The following DCAF12 variants were observed in gnomAD, a reference collection of about 807,000 sequenced individuals.
DCAF12 encodes the protein DDB1 and CUL4 associated factor 12.
DCAF12 carries 28 observed loss-of-function variants against 52.8 expected under a neutral mutation model. That is an observed-to-expected ratio of 0.53 (90% CI 0.39 to 0.73). The LOEUF is 0.73. Among genes scored for constraint, DCAF12 ranks in the 30% least tolerant of loss-of-function variants. DCAF12 has a pLI of 0.00. For synonymous variants in DCAF12, 196 were observed against 215.5 expected (o/e 0.91, Z 0.79); for missense variants, 425 against 552.2 (o/e 0.77, Z 2.31).
chr9:34,094,226 G>A (rs957744278), intron 6 of DCAF12, among the ~76,000 whole-genome samples: 7 of 152,012 alleles, frequency 4.6e-5, no homozygotes, highest in African/African-American at 1.7e-4. Flanking sequence ...CCAACCTGGT[G>A]AGATGCCATC....
chr9:34,100,442 C>T (rs1489512046), intron 4 of DCAF12, among the ~76,000 whole-genome samples: 1 of 151,660 alleles, frequency 6.6e-6, no homozygotes, highest in Non-Finnish European at 1.5e-5. Context: ...TCGTGATCCA[C>T]CTGCCTCGGC....
At chr9:34,091,489 A>T (rs1229637427) in intron 7 of DCAF12, among the ~76,000 whole-genome samples, 1 of 151,816 alleles carries the variant, frequency 6.6e-6, no homozygotes, top group Non-Finnish European at 1.5e-5. Context: ...TACAAAAATT[A>T]GCTGAATGAG....
chr9:34,117,352 G>A (rs1431235827), intron 2 of DCAF12, among the ~76,000 whole-genome samples: 4 of 150,060 alleles, frequency 2.7e-5, no homozygotes, highest in South Asian at 2.1e-4. Context: ...GGGTTTCACC[G>A]TGTTAGCCAG....
At chr9:34,107,011 T>C (rs190851877) in intron 3 of DCAF12, among the ~76,000 whole-genome samples, 2 of 152,316 alleles carry the variant, frequency 1.3e-5, no homozygotes, top group Non-Finnish European at 2.9e-5. Context: ...TCCACTAGAA[T>C]GTAGGCTTCA....
At chr9:34,125,800 T>C (rs975700856) in intron 1 of DCAF12, 2 of 284,188 alleles carry the variant, frequency 7.0e-6, no homozygotes, top group African/African-American at 4.4e-5. Flanking sequence ...GCCAACGGGG[T>C]AGTAGGCCCC....
At chr9:34,098,192 G>T in intron 5 of DCAF12, 132 bp downstream of exon 5, 1 of 923,952 alleles carries the variant, frequency 1.1e-6, no homozygotes, top group Non-Finnish European at 1.6e-6. Context: ...GCATCACTCA[G>T]CCTTTAAGAG....
intron 2 of DCAF12, chr9:34,109,763 AC>A: frequency 3.2e-6 from 1 of 312,288 alleles, no homozygotes; most frequent in Non-Finnish European, 6.6e-6. Context: ...GCAGGTGGTG[AC>A]CCCACTCACA....
chr9:34,101,343 G>C (rs1162492220), intron 4 of DCAF12, among the ~76,000 whole-genome samples: 1 of 151,912 alleles, frequency 6.6e-6, no homozygotes, highest in Non-Finnish European at 1.5e-5. Context: ...GAAATACTGG[G>C]ACTACAAGTG....
intron 2 of DCAF12, among the ~76,000 whole-genome samples, chr9:34,110,863 T>G (rs978951363): frequency 5.9e-5 from 9 of 152,138 alleles, no homozygotes; most frequent in Non-Finnish European, 1.3e-4. Context: ...GCCATGGACT[T>G]CAAACTCTAG....
Position 34,121,156 on chromosome 9 carries a change from AAAAC to A in DCAF12, c.333+3863_333+3866del, listed in dbSNP as rs964427180. On this transcript the variant is annotated intron_variant, in intron 2 of 8. Transcript: ENST00000361264. ...GCAACAGAGCGAGACTCCATCTCAA[AAAAC>A]AAACAAACAAACAAAAAAACCCAAG... Among the ~76,000 whole-genome samples the A allele has an allele frequency of 1.1e-4, 17 of 152,298 alleles. No homozygotes were observed. In the East Asian group the frequency reaches 1.7e-3, roughly 16 times the overall value.
chr9:34,102,998 G>A lies in DCAF12; in HGVS notation c.601+3436C>T, dbSNP rs1026417354. On this transcript the variant is annotated intron_variant, in intron 4 of 8. Transcript: ENST00000361264. ...GGACAGGGGTGGGGTGCTGAGACAG[G>A]AGGATTGTTTGAGACTGGGAGGTCA... Among the ~76,000 whole-genome samples the A allele has an allele frequency of 2.0e-5, 3 of 148,872 alleles. No individual in the cohort carries two copies. In the Admixed American group the frequency reaches 2.0e-4, roughly 10 times the overall value.
chr9:34,093,276 G>T lies in DCAF12; in HGVS notation c.1024+10C>A. ...AGCTGTAGGCCTGAGGTGCACACAG[G>T]GACTCTTACCACTGCCTCGCTCCCT... On this transcript the variant is annotated intron_variant, in intron 7 of 8. Coordinates refer to ENST00000361264, the MANE Select transcript of DCAF12 (RefSeq NM_015397.4). 6.2e-7 allele frequency: 1 copy of T among 1,613,944 alleles called. No homozygotes were observed.
intron 4 of DCAF12, among the ~76,000 whole-genome samples, chr9:34,104,920 A>G (rs886229060): frequency 2.7e-5 from 4 of 148,090 alleles, no homozygotes; most frequent in African/African-American, 7.4e-5. Flanking sequence ...TCCGTCTCCA[A>G]AAAAAAAAAA....
intron 2 of DCAF12, chr9:34,109,884 G>A (rs771947912): frequency 9.6e-5 from 24 of 249,258 alleles, no homozygotes; most frequent in Admixed American, 1.9e-4. Flanking sequence ...TCTCGTCTGT[G>A]TTTTCTGTGA....
rs540916426 is a variant in DCAF12 at position 34,120,172 on chromosome 9, C to T, written c.333+4851G>A. On this transcript the variant is annotated intron_variant, in intron 2 of 8. Coordinates refer to ENST00000361264, the MANE Select transcript of DCAF12 (RefSeq NM_015397.4). ...GAGCTGAAACTGAGCCACTGCACTT[C>T]AGCCTGGGCAACAAGAATGAAAGTC... 6.6e-5 allele frequency among the ~76,000 whole-genome samples: 8 copies of T among 120,676 alleles called. No homozygotes were observed. The South Asian group carries it at 1.4e-3, about 21-fold the overall frequency. The allele number at this position is 120,676 out of a possible 152,430, so 79.2% of individuals were successfully genotyped here.
chr9:34,098,507 A>G lies in DCAF12; in HGVS notation c.612T>C (p.Asp204=). Reference sequence around the variant, plus strand: ...TCACCTCCCAGAGTCCCATAGAACCATCACGTGAGCCTGCAGGGCCAGGAG... The same window carrying G: ...TCACCTCCCAGAGTCCCATAGAACCGTCACGTGAGCCTGCAGGGCCAGGAG... The part of the protein sequence containing the change: ...SDTMAVSGSR[D]GSMGLWEVTD... Residue 204 remains aspartate, a synonymous_variant, in exon 5 of 9, where the codon GAT becomes GAC. Coordinates refer to ENST00000361264, the MANE Select transcript of DCAF12 (RefSeq NM_015397.4). 1 of 1,613,228 alleles carries G rather than the reference A, an allele frequency of 6.2e-7. No individual in the cohort carries two copies. The highest frequency in any genetic ancestry group is 8.5e-7 in the Non-Finnish European group (1 of 1,179,590).
In DCAF12 at chr9:34,094,819, C is replaced by T. The variant is rs990951900; in HGVS notation, c.862-1371G>A. Among the ~76,000 whole-genome samples, 12 of 152,026 alleles carry T rather than the reference C, an allele frequency of 7.9e-5. No individual in the cohort carries two copies. In the South Asian group the frequency reaches 8.3e-4, roughly 10 times the overall value. ...TGCTGGGATTATAGGCGTGAGCCACCGCACCCGGCCCCGATTTTTAAATAT... is the reference window on the plus strand; with the variant it reads ...TGCTGGGATTATAGGCGTGAGCCACTGCACCCGGCCCCGATTTTTAAATAT... On this transcript the variant is annotated intron_variant, in intron 6 of 8. Coordinates refer to ENST00000361264, the MANE Select transcript of DCAF12 (RefSeq NM_015397.4).
chr9:34,125,658 C>G, intron 1 of DCAF12: 2 of 467,356 alleles, frequency 4.3e-6, no homozygotes, highest in South Asian at 3.1e-5. Flanking sequence ...TCTGTACTCC[C>G]ACTGGAGCAC....
At chr9:34,108,812 A>AAT (rs59340595) in intron 2 of DCAF12, among the ~76,000 whole-genome samples, 7,684 of 139,268 alleles carry the variant, frequency 0.055, 292 homozygotes, top group Non-Finnish European at 0.073. Context: ...TAAATAAATA[A>AAT]ATATATATAT....
Sources: gnomAD v4.1 joint callset for allele counts (sites outside exome capture counted in the v4.1 genomes callset) on GRCh38, gnomAD v4.1.1 for gene constraint, MANE v1.5 for transcripts, NCBI Gene and HGNC (gene_info 2026-07-23, HGNC 2026-07-21) for gene names.